Variants in GPD2 observed in about 807,000 individuals in gnomAD.
The protein encoded by GPD2 is glycerol-3-phosphate dehydrogenase 2, also known as glycerol-3-phosphate dehydrogenase, mitochondrial.
Under a neutral mutation model 82.4 loss-of-function variants are expected in GPD2, and 54 were observed. That is an observed-to-expected ratio of 0.66 (90% CI 0.53 to 0.82). The LOEUF is 0.82. GPD2 is among the 40% of genes least tolerant of loss of function. GPD2 has a pLI of 0.00. For synonymous variants in GPD2, 288 were observed against 306.1 expected, an observed-to-expected ratio of 0.94 and a Z score of 0.62; for missense variants, 748 against 896.2, an observed-to-expected ratio of 0.83 and a Z score of 2.11.
In GPD2 at chr2:156,502,237, T is replaced by A. The variant is rs188564700; in HGVS notation, c.274+6022T>A. ...AGAAGCAGGTATATGTAAATTTTTTTTAAAAATTGGGTAGGAAAGGTGTTT... is the reference window on the plus strand; with the variant it reads ...AGAAGCAGGTATATGTAAATTTTTTATAAAAATTGGGTAGGAAAGGTGTTT... On this transcript the variant is annotated intron_variant, in intron 3 of 16. Transcript: ENST00000438166. 4.5e-3 allele frequency among the ~76,000 whole-genome samples: 685 copies of A among 152,182 alleles called. 5 individuals are homozygous for A. Among genetic ancestry groups the A allele is most frequent in the Non-Finnish European group, 6.4e-3 (432 of 68,014 alleles).
At chr2:156,443,433 C>T (rs298300) in intron 1 of GPD2, among the ~76,000 whole-genome samples, 137,976 of 152,188 alleles carry the variant, frequency 0.91, 64,039 homozygotes, top group East Asian at 1. Context: ...CAGTCATCCC[C>T]AATTCAGCAA....
chr2:156,464,038 A>C (rs1683074472), intron 1 of GPD2, among the ~76,000 whole-genome samples: 1 of 152,192 alleles, frequency 6.6e-6, no homozygotes. Flanking sequence ...GAGGAGAGTA[A>C]GATCTTATGA....
At chr2:156,483,776 A>G (rs1261415409) in intron 2 of GPD2, among the ~76,000 whole-genome samples, 4 of 152,206 alleles carry the variant, frequency 2.6e-5, no homozygotes, top group Non-Finnish European at 5.9e-5. Context: ...CCACCTTAGC[A>G]TTGCTTTTCA....
intron 13 of GPD2, among the ~76,000 whole-genome samples, chr2:156,575,679 C>G (rs1465550072): frequency 2.0e-5 from 3 of 151,852 alleles, no homozygotes; most frequent in Non-Finnish European, 4.4e-5. Context: ...GTGCTGGGAT[C>G]ACAGGCATGA....
chr2:156,500,674 A>G (rs887384703), intron 3 of GPD2, among the ~76,000 whole-genome samples: 1 of 152,204 alleles, frequency 6.6e-6, no homozygotes, highest in African/African-American at 2.4e-5. Flanking sequence ...AAATGTTTGC[A>G]TGAGCTTTTT....
At chr2:156,507,164 C>A (rs1684814809) in intron 3 of GPD2, among the ~76,000 whole-genome samples, 1 of 151,940 alleles carries the variant, frequency 6.6e-6, no homozygotes, top group African/African-American at 2.4e-5. Flanking sequence ...CAGGCATGCA[C>A]CACCGTGCCT....
the GPD2 span, among the ~76,000 whole-genome samples, chr2:156,427,380 A>AATT: frequency 6.6e-6 from 1 of 152,214 alleles, no homozygotes; most frequent in East Asian, 1.9e-4. Flanking sequence ...TTTTGCTAAG[A>AATT]ATTAGTTGAC....
At chr2:156,562,439 T>G (rs1017860710) in intron 9 of GPD2, among the ~76,000 whole-genome samples, 7 of 152,202 alleles carry the variant, frequency 4.6e-5, no homozygotes, top group African/African-American at 1.7e-4. Context: ...GGTATCTTAT[T>G]TCTGTGATTA....
At chr2:156,402,609 T>C in the GPD2 span, among the ~76,000 whole-genome samples, 1 of 152,208 alleles carries the variant, frequency 6.6e-6, no homozygotes, top group Non-Finnish European at 1.5e-5. Context: ...CTCACTTTCA[T>C]GGTGGGGACT....
intron 4 of GPD2, among the ~76,000 whole-genome samples, chr2:156,511,980 A>G (rs1685013913): frequency 6.6e-6 from 1 of 152,194 alleles, no homozygotes; most frequent in Non-Finnish European, 1.5e-5. Context: ...TCAGGAAAAT[A>G]TCTTACACCT....
chr2:156,535,321 GGAAAGA>G (rs1350907673), intron 6 of GPD2, among the ~76,000 whole-genome samples: 1 of 133,196 alleles, frequency 7.5e-6, no homozygotes, highest in Non-Finnish European at 1.7e-5. Context: ...AAAAGACCTG[GGAAAGA>G]GAGAGAGAGA....
At chr2:156,494,594 A>T (rs1232225050) in intron 2 of GPD2, among the ~76,000 whole-genome samples, 9 of 152,202 alleles carry the variant, frequency 5.9e-5, no homozygotes, top group South Asian at 2.1e-4. Flanking sequence ...GAATGAATTT[A>T]AAAAATCACT....
intron 1 of GPD2, among the ~76,000 whole-genome samples, chr2:156,445,679 A>G (rs298228): frequency 0.9 from 136,991 of 152,228 alleles, 63,064 homozygotes; most frequent in South Asian, 1. Context: ...GAAAATGATT[A>G]TGTGTATTGG....
At chr2:156,527,997 AC>A (rs1685677360) in intron 6 of GPD2, among the ~76,000 whole-genome samples, 1 of 152,168 alleles carries the variant, frequency 6.6e-6, no homozygotes, top group Non-Finnish European at 1.5e-5. Flanking sequence ...TTCAATAGTT[AC>A]CTCAGAACCA....
At chr2:156,464,301 T>A (rs1363552157) in intron 1 of GPD2, among the ~76,000 whole-genome samples, 1 of 152,200 alleles carries the variant, frequency 6.6e-6, no homozygotes, top group Non-Finnish European at 1.5e-5. Context: ...ATCAGTAAGC[T>A]AAATATTCTA....
At chr2:156,581,502 TC>T (rs1229919143) in intron 16 of GPD2, among the ~76,000 whole-genome samples, 20 of 152,250 alleles carry the variant, frequency 1.3e-4, no homozygotes, top group Non-Finnish European at 1.5e-4. Context: ...AATTGTTCCG[TC>T]TTTAGATGTC....
intron 2 of GPD2, among the ~76,000 whole-genome samples, chr2:156,493,926 A>ATGTGTGTGTGTGTGTGTGTGTGTG (rs542950582): frequency 3.7e-5 from 5 of 136,322 alleles, no homozygotes; most frequent in African/African-American, 1.3e-4. Flanking sequence ...ATATATATGT[A>ATGTGTGTGTGTGTGTGTGTGTGTG]TGTGTGTGTG....
At chr2:156,404,673 C>A in the GPD2 span, among the ~76,000 whole-genome samples, 1 of 106,288 alleles carries the variant, frequency 9.4e-6, no homozygotes, top group Admixed American at 1.2e-4. Flanking sequence ...AACCCCGTCT[C>A]TATTAAAAAT....
chr2:156,492,460 CT>C (rs1357961431), intron 2 of GPD2, among the ~76,000 whole-genome samples: 1 of 109,884 alleles, frequency 9.1e-6, no homozygotes, highest in African/African-American at 3.4e-5. Flanking sequence ...TTTTTTTTTT[CT>C]TTTTTTTAAA....
Sources: allele counts gnomAD v4.1 joint callset (sites outside exome capture counted in the v4.1 genomes callset), GRCh38; gene constraint gnomAD v4.1.1; transcripts MANE v1.5; gene names NCBI Gene and HGNC (gene_info 2026-07-23, HGNC 2026-07-21).